PRKCB: variants seen among roughly 807,000 people sequenced by gnomAD.
PRKCB encodes the protein protein kinase C beta.
Under a neutral mutation model 81.5 loss-of-function variants are expected in PRKCB, and 13 were observed. The observed-to-expected ratio is 0.16, with a 90% CI of 0.10 to 0.25. PRKCB has a LOEUF of 0.25. Ranked by LOEUF, PRKCB falls within the 10% of genes least tolerant of loss-of-function variation. The pLI is 1.00. For synonymous variants in PRKCB, 335 were observed against 321.4 expected, an observed-to-expected ratio of 1.04 and a Z score of -0.45; for missense variants, 509 against 875.7, an observed-to-expected ratio of 0.58 and a Z score of 5.29.
At chr16:23,959,270 A>C (rs1426257382) in intron 2 of PRKCB, among the ~76,000 whole-genome samples, 4 of 152,308 alleles carry the variant, frequency 2.6e-5, no homozygotes, top group Non-Finnish European at 5.9e-5. Flanking sequence ...ATTCGTCATC[A>C]TTCTCCTGAC....
At chr16:23,911,447 G>T (rs1963652021) in intron 2 of PRKCB, among the ~76,000 whole-genome samples, 1 of 151,968 alleles carries the variant, frequency 6.6e-6, no homozygotes, top group South Asian at 2.1e-4. Flanking sequence ...GTATAAGCAT[G>T]TTTTCAATTC....
intron 3 of PRKCB, among the ~76,000 whole-genome samples, chr16:23,998,044 G>A (rs976763510): frequency 1.3e-5 from 2 of 152,186 alleles, no homozygotes; most frequent in African/African-American, 4.8e-5. Flanking sequence ...TAGAAAAATT[G>A]CCTTCATTGA....
intron 2 of PRKCB, among the ~76,000 whole-genome samples, chr16:23,968,811 C>T (rs916463894): frequency 1.2e-4 from 18 of 152,132 alleles, no homozygotes; most frequent in African/African-American, 3.6e-4. Context: ...CATGTACTCT[C>T]GAAGGGAAGG....
At chr16:23,992,194 T>C (rs1964894741) in intron 3 of PRKCB, among the ~76,000 whole-genome samples, 1 of 152,212 alleles carries the variant, frequency 6.6e-6, no homozygotes, top group Non-Finnish European at 1.5e-5. Flanking sequence ...AGGAATAAGT[T>C]TATCATTTAA....
chr16:23,915,732 AT>A (rs1317438707), intron 2 of PRKCB, among the ~76,000 whole-genome samples: 1 of 131,524 alleles, frequency 7.6e-6, no homozygotes, highest in African/African-American at 2.7e-5. Context: ...TGGATTCTTT[AT>A]TTTTTTAATT....
chr16:23,937,752 A>G (rs1447704283), intron 2 of PRKCB, among the ~76,000 whole-genome samples: 1 of 152,166 alleles, frequency 6.6e-6, no homozygotes, highest in Non-Finnish European at 1.5e-5. Flanking sequence ...CTTCTGCTCA[A>G]AATTAAGTTT....
intron 2 of PRKCB, among the ~76,000 whole-genome samples, chr16:23,882,177 T>C (rs1337303754): frequency 4.6e-5 from 7 of 150,930 alleles, no homozygotes; most frequent in Non-Finnish European, 8.8e-5. Flanking sequence ...CCTCCTGTGC[T>C]CAAGGGATCC....
At chr16:23,910,461 G>C (rs1963633315) in intron 2 of PRKCB, among the ~76,000 whole-genome samples, 1 of 152,124 alleles carries the variant, frequency 6.6e-6, no homozygotes. Context: ...GGTTGGTGCT[G>C]ATGTGCTTTT....
chr16:24,217,347 C>T lies in PRKCB; in HGVS notation c.*2531C>T. ...CCACTTCCTTTTCTATCCACATTTC[C>T]AGTGCAGAAGAAACTGAGAAACAGA... On this transcript the variant is annotated 3_prime_UTR_variant, in exon 17 of 17. Transcript: ENST00000643927. 2 of 985,334 alleles carry T rather than the reference C, an allele frequency of 2.0e-6. No homozygotes were observed. The highest frequency in any genetic ancestry group is 2.4e-6 in the Non-Finnish European group (2 of 829,908). 61.0% of individuals were successfully genotyped at this position (985,334 alleles called of 1,614,324 possible).
rs2141070254 is a variant in PRKCB, at chr16:23,836,013, G to A, written c.-163G>A. The A allele has an allele frequency of 7.3e-6, 2 of 274,512 alleles. No individual in the cohort carries two copies. Among genetic ancestry groups the A allele is most frequent in the Non-Finnish European group, 1.1e-5 (2 of 180,800 alleles). 17.0% of individuals were successfully genotyped at this position (274,512 alleles called of 1,614,324 possible). A position where few individuals can be genotyped will look rare whatever the true frequency, so the allele number is the denominator to read the frequency against. ...AGCGGCAGCAGCTGGGCGAGTGACA[G>A]CCCCGGCTCCGCGCGCCGCGGCCGC... On this transcript the variant is annotated 5_prime_UTR_variant, in exon 1 of 17. Transcript: ENST00000643927.
rs374912 is a variant in PRKCB at position 24,196,799 on chromosome 16, C to T, written c.1863+5569C>T. Among the ~76,000 whole-genome samples the T allele has an allele frequency of 5.0e-3, 768 of 152,278 alleles. 4 individuals are homozygous for T. Among genetic ancestry groups the T allele is most frequent in the Admixed American group, 8.3e-3 (127 of 15,290 alleles). ...TGCAGCAGGCCTGTGAGTTGATTGG[C>T]AGAACCTGTTGTAGCAGTGCAGTAG... On this transcript the variant is annotated intron_variant, in intron 16 of 16. Coordinates refer to ENST00000643927, the MANE Select transcript of PRKCB (RefSeq NM_002738.7).
At position 24,172,257 on chromosome 16, in the gene PRKCB, T is replaced by C; in HGVS notation, c.1240-13T>C. ...ACGGGATGCTAATGTTGCTGTTTGC[T>C]GTCCTCTTCCAGGACCGCCTGTACT... On this transcript the variant is annotated splice_polypyrimidine_tract_variant and intron_variant, in intron 10 of 16. Transcript: ENST00000643927. 3 of 1,606,642 alleles carry C rather than the reference T, an allele frequency of 1.9e-6. No individual in the cohort carries two copies. The highest frequency in any genetic ancestry group is 2.6e-6 in the Non-Finnish European group (3 of 1,173,496).
At chr16:23,994,864 T>C in intron 3 of PRKCB, among the ~76,000 whole-genome samples, 1 of 152,230 alleles carries the variant, frequency 6.6e-6, no homozygotes, top group East Asian at 1.9e-4. Context: ...ATATCAACTC[T>C]TCAGTCGTAT....
intron 10 of PRKCB, among the ~76,000 whole-genome samples, chr16:24,159,286 A>G (rs531210641): frequency 3.9e-5 from 6 of 152,328 alleles, no homozygotes; most frequent in South Asian, 2.1e-4. Flanking sequence ...TCAGGGCTGC[A>G]TGGTAGTTCT....
chr16:23,877,109 A>G (rs904299387), intron 2 of PRKCB, among the ~76,000 whole-genome samples: 1 of 152,142 alleles, frequency 6.6e-6, no homozygotes, highest in Non-Finnish European at 1.5e-5. Context: ...TTCCTTCAGG[A>G]CACCAGAGAT....
At chr16:23,960,695 T>C (rs190241268) in intron 2 of PRKCB, among the ~76,000 whole-genome samples, 23 of 152,352 alleles carry the variant, frequency 1.5e-4, no homozygotes, top group African/African-American at 5.3e-4. Flanking sequence ...GTTCTCATTA[T>C]TCAGCGCCCA....
intron 10 of PRKCB, among the ~76,000 whole-genome samples, chr16:24,160,529 C>T (rs1328567427): frequency 1.3e-5 from 2 of 152,150 alleles, no homozygotes; most frequent in African/African-American, 4.8e-5. Context: ...GTATTACTGC[C>T]TGTATGCTGC....
At chr16:24,125,820 C>T (rs1441222148) in intron 9 of PRKCB, among the ~76,000 whole-genome samples, 1 of 152,152 alleles carries the variant, frequency 6.6e-6, no homozygotes, top group Admixed American at 6.5e-5. Context: ...GAAATGATGG[C>T]TCAAAGTCTG....
chr16:24,217,594 A>G lies in PRKCB; in HGVS notation c.*2778A>G. 1.0e-6 allele frequency: 1 copy of G among 985,498 alleles called. No homozygotes were observed. Among genetic ancestry groups the G allele is most frequent in the Non-Finnish European group, 1.2e-6 (1 of 829,978 alleles). 61.0% of individuals were successfully genotyped at this position (985,498 alleles called of 1,614,324 possible). A position where few individuals can be genotyped will look rare whatever the true frequency, so the allele number is the denominator to read the frequency against. On this transcript the variant is annotated 3_prime_UTR_variant, in exon 17 of 17. Coordinates refer to ENST00000643927, the MANE Select transcript of PRKCB (RefSeq NM_002738.7). ...TTCTCTGGGGATCTGCCCACAGGAC[A>G]AAGTCCATAAAAGCAAGTCCTGTCT... is the stretch of plus-strand genomic sequence containing the variant.
Sources: allele counts gnomAD v4.1 joint callset (sites outside exome capture counted in the v4.1 genomes callset), GRCh38; gene constraint gnomAD v4.1.1; transcripts MANE v1.5; gene names NCBI Gene and HGNC (gene_info 2026-07-23, HGNC 2026-07-21).